PCDHA3: variants seen among roughly 807,000 people sequenced by gnomAD.
PCDHA3 encodes the protein protocadherin alpha 3.
In PCDHA3, 41 loss-of-function variants were observed where a neutral mutation model predicts 62.2. The observed-to-expected ratio is 0.66, with a 90% CI of 0.51 to 0.86. PCDHA3 has a LOEUF of 0.86. Ranked by LOEUF, PCDHA3 falls within the 40% of genes least tolerant of loss-of-function variation. PCDHA3 has a pLI of 0.00. For synonymous variants in PCDHA3, 640 were observed against 555.4 expected (o/e 1.15, Z -2.14); for missense variants, 1,304 against 1,241.2 (o/e 1.05, Z -0.76).
chr5:140,928,902 C>T, intron 1 of PCDHA3: 1 of 1,614,164 alleles, frequency 6.2e-7, no homozygotes, highest in Non-Finnish European at 8.5e-7. Flanking sequence ...TTGAAGATGT[C>T]TGGGAACCAG....
In PCDHA3 at chr5:140,802,103, C is replaced by T. The variant is rs782442177; in HGVS notation, c.906C>T (p.Ile302=). 6.2e-7 allele frequency: 1 copy of T among 1,614,156 alleles called. No individual in the cohort carries two copies. Among genetic ancestry groups the T allele is most frequent in the South Asian group, 1.1e-5 (1 of 91,080 alleles). The part of the protein sequence containing the change: ...KFHLDPVNGQ[I]SVKGNIDFEE... ...ATTTAGATCCAGTCAATGGACAAAT[C>T]AGTGTAAAGGGTAACATAGATTTCG... Residue 302 remains isoleucine, a synonymous_variant, in exon 1 of 4, where the codon ATC becomes ATT. Coordinates refer to ENST00000522353, the MANE Select transcript of PCDHA3 (RefSeq NM_018906.3).
intron 1 of PCDHA3, among the ~76,000 whole-genome samples, chr5:140,924,207 T>C (rs2081717308): frequency 6.6e-6 from 1 of 152,198 alleles, no homozygotes. Flanking sequence ...AGAAATTTGG[T>C]GAAGAATAAG....
intron 1 of PCDHA3, among the ~76,000 whole-genome samples, chr5:140,895,594 T>C (rs2065067713): frequency 6.6e-6 from 1 of 152,228 alleles, no homozygotes; most frequent in Admixed American, 6.5e-5. Flanking sequence ...GATATATAAT[T>C]TGCAAAGATT....
chr5:140,877,668 C>T, intron 1 of PCDHA3: 1 of 1,613,568 alleles, frequency 6.2e-7, no homozygotes, highest in Non-Finnish European at 8.5e-7. Context: ...TGAGCCGGTG[C>T]GCGCCGGGCA....
intron 1 of PCDHA3, chr5:140,829,748 G>T (rs1179697520): frequency 1.9e-6 from 3 of 1,613,604 alleles, no homozygotes; most frequent in South Asian, 2.2e-5. Context: ...GACGCTGCAG[G>T]TGTTCGTGCT....
chr5:140,951,544 G>T (rs543008494), intron 1 of PCDHA3, among the ~76,000 whole-genome samples: 1 of 151,878 alleles, frequency 6.6e-6, no homozygotes, highest in Non-Finnish European at 1.5e-5. Flanking sequence ...AGCAAGGGAC[G>T]GGGGGAAGTG....
rs782163702 is a variant in PCDHA3, at chr5:140,979,042, C to G, written c.2453+35C>G. 3.1e-6 allele frequency: 5 copies of G among 1,612,562 alleles called. No individual in the cohort carries two copies. The South Asian group carries it at 4.4e-5, about 14-fold the overall frequency. Reference sequence around the variant, plus strand: ...TCCCTCCTCATTCACTCAGAAGTAACCTTAACTTGGTATGGCTCAGATAAA... The same window carrying G: ...TCCCTCCTCATTCACTCAGAAGTAAGCTTAACTTGGTATGGCTCAGATAAA... On this transcript the variant is annotated intron_variant, in intron 2 of 3. Coordinates refer to ENST00000522353, the MANE Select transcript of PCDHA3 (RefSeq NM_018906.3).
chr5:140,986,371 G>A (rs1453761888), intron 3 of PCDHA3, among the ~76,000 whole-genome samples: 1 of 152,116 alleles, frequency 6.6e-6, no homozygotes, highest in African/African-American at 2.4e-5. Context: ...AATGCGTTTT[G>A]GGGGGAGGGA....
chr5:140,862,838 T>A (rs555167030), intron 1 of PCDHA3: 1 of 575,064 alleles, frequency 1.7e-6, no homozygotes, highest in South Asian at 1.4e-5. Flanking sequence ...GACGCGGGCA[T>A]GCCGCCTCTG....
intron 1 of PCDHA3, chr5:140,861,823 G>A (rs2047101556): frequency 1.3e-5 from 2 of 159,302 alleles, no homozygotes; most frequent in Non-Finnish European, 2.7e-5. Flanking sequence ...TTTCAGATAG[G>A]TAAGTCACTT....
intron 1 of PCDHA3, chr5:140,875,535 T>C (rs1554167741): frequency 3.1e-6 from 5 of 1,614,134 alleles, no homozygotes; most frequent in Admixed American, 3.3e-5. Context: ...TTCTGCTCCT[T>C]GCAGCCTGGG....
chr5:140,830,115 C>T lies in PCDHA3; in HGVS notation c.2394+26524C>T, dbSNP rs2150181340. 2.2e-5 allele frequency: 35 copies of T among 1,613,546 alleles called. No individual in the cohort carries two copies. In the East Asian group the frequency reaches 7.1e-4, roughly 33 times the overall value. On this transcript the variant is annotated intron_variant, in intron 1 of 3. Transcript: ENST00000522353. Reference sequence around the variant, plus strand: ...GTGTCGCTGGTGGAGAGTGGCCAGGCTCCAAAGGCGTCATCACGGGCGTCG... The same window carrying T: ...GTGTCGCTGGTGGAGAGTGGCCAGGTTCCAAAGGCGTCATCACGGGCGTCG...
rs2150432258 is a variant in PCDHA3 at position 140,849,188 on chromosome 5, G to T, written c.2394+45597G>T. Reference sequence around the variant, plus strand: ...CTGGCACCGTTCAATTACTCATCACGGTACTGGACAACAATGACAATGCCC... The same window carrying T: ...CTGGCACCGTTCAATTACTCATCACTGTACTGGACAACAATGACAATGCCC... On this transcript the variant is annotated intron_variant, in intron 1 of 3. Transcript: ENST00000522353. The T allele has an allele frequency of 1.1e-3, 1,187 of 1,054,992 alleles. 42 individuals carry two copies. In the African/African-American group the frequency reaches 0.02, roughly 18 times the overall value. The allele number at this position is 1,054,992 out of a possible 1,614,324, so 65.4% of individuals were successfully genotyped here. A position where few individuals can be genotyped will look rare whatever the true frequency, so the allele number is the denominator to read the frequency against.
Position 140,870,071 on chromosome 5 carries a change from A to G in PCDHA3, c.2394+66480A>G, listed in dbSNP as rs782336770. Reference sequence around the variant, plus strand: ...TATAAAATTGAAGTACAGGCTACAGATAAGGGGACTCCCCCAATGGCAGGT... The same window carrying G: ...TATAAAATTGAAGTACAGGCTACAGGTAAGGGGACTCCCCCAATGGCAGGT... On this transcript the variant is annotated intron_variant, in intron 1 of 3. Coordinates refer to ENST00000522353, the MANE Select transcript of PCDHA3 (RefSeq NM_018906.3). 13 of 1,613,778 alleles carry G rather than the reference A, an allele frequency of 8.1e-6. No homozygotes were observed. The highest frequency in any genetic ancestry group is 1.3e-5 in the African/African-American group (1 of 74,950).
intron 1 of PCDHA3, chr5:140,857,813 G>C: frequency 1.9e-6 from 3 of 1,597,816 alleles, no homozygotes; most frequent in Non-Finnish European, 2.6e-6. Context: ...TGCGGGTCAC[G>C]TGGTGGCTAA....
intron 1 of PCDHA3, chr5:140,967,711 G>C (rs557842321): frequency 6.2e-7 from 1 of 1,614,168 alleles, no homozygotes; most frequent in East Asian, 2.2e-5. Context: ...CCAGTACCGG[G>C]GAAGTGCGAG....
Position 140,988,156 on chromosome 5 carries a change from C to T in PCDHA3, c.2542+5593C>T, listed in dbSNP as rs546335543. Among the ~76,000 whole-genome samples, 7 of 152,172 alleles carry T rather than the reference C, an allele frequency of 4.6e-5. No individual in the cohort carries two copies. The South Asian group carries it at 1.5e-3, about 32-fold the overall frequency. On this transcript the variant is annotated intron_variant, in intron 3 of 3. Coordinates refer to ENST00000522353, the MANE Select transcript of PCDHA3 (RefSeq NM_018906.3). ...TAACCTGTTCAACCTCAACTTCTGCCGTTGTCATAGCAATGACAGTCCTGG... is the reference window on the plus strand; with the variant it reads ...TAACCTGTTCAACCTCAACTTCTGCTGTTGTCATAGCAATGACAGTCCTGG...
At chr5:140,953,135 G>C (rs1331167155) in intron 1 of PCDHA3, among the ~76,000 whole-genome samples, 2 of 152,126 alleles carry the variant, frequency 1.3e-5, no homozygotes, top group Non-Finnish European at 2.9e-5. Flanking sequence ...CCGTATCACT[G>C]TTATATTTCT....
At position 140,972,838 on chromosome 5, in the gene PCDHA3, A is replaced by G. The variant is rs181315236; in HGVS notation, c.2395-6111A>G. Among the ~76,000 whole-genome samples the G allele has an allele frequency of 2.0e-4, 30 of 151,814 alleles. No individual in the cohort carries two copies. In the East Asian group the frequency reaches 5.8e-3, roughly 30 times the overall value. The stretch of plus-strand genomic sequence containing the variant: ...GCCACCACGCCTGGCTAATTTTTGT[A>G]TTTTTAGTAGAGATGGGGTTTCATC... On this transcript the variant is annotated intron_variant, in intron 1 of 3. Transcript: ENST00000522353.
Sources: allele counts gnomAD v4.1 joint callset (sites outside exome capture counted in the v4.1 genomes callset), GRCh38; gene constraint gnomAD v4.1.1; transcripts MANE v1.5; gene names NCBI Gene and HGNC (gene_info 2026-07-23, HGNC 2026-07-21).